ZNF385D: variants seen among roughly 807,000 people sequenced by gnomAD.
ZNF385D encodes zinc finger protein 659.
In ZNF385D, 15 loss-of-function variants were observed where a neutral mutation model predicts 35.8. The observed-to-expected ratio is 0.42, with a 90% confidence interval of 0.28 to 0.64. The LOEUF (loss-of-function observed/expected upper bound fraction) is 0.64, where lower values mean the gene tolerates loss of function less well. Ranked by LOEUF, ZNF385D falls within the 30% of genes least tolerant of loss-of-function variation. ZNF385D has a pLI of 0.23. For missense variants in ZNF385D, 474 were observed against 494.6 expected, an observed-to-expected ratio of 0.96 and a Z score of 0.39; for synonymous variants, 212 against 186.8, an observed-to-expected ratio of 1.13 and a Z score of -1.10.
intron 2 of ZNF385D, among the ~76,000 whole-genome samples, chr3:22,246,001 C>T (rs1247802498): frequency 2.6e-5 from 4 of 152,048 alleles, no homozygotes; most frequent in African/African-American, 7.2e-5. Context: ...GACAGTGCCA[C>T]GAAGCCAGCC....
At position 21,418,258 on chromosome 3, in the gene ZNF385D, C is replaced by T. The variant is rs528289991; in HGVS notation, c.*2956G>A. Reference sequence around the variant, plus strand: ...GTCAGACCACCCTCAGGGATTTTCACAGCACACTGCTGACCAATCTAAATT... The same window carrying T: ...GTCAGACCACCCTCAGGGATTTTCATAGCACACTGCTGACCAATCTAAATT... On this transcript the variant is annotated 3_prime_UTR_variant, in exon 8 of 8. Transcript: ENST00000281523. 4 of 152,172 alleles carry T rather than the reference C, an allele frequency of 2.6e-5. No individual in the cohort carries two copies. The highest frequency in any genetic ancestry group is 4.4e-5 in the Non-Finnish European group (3 of 68,020). The allele number at this position is 152,172 out of a possible 1,614,324, so 9.4% of individuals were successfully genotyped here. A position where few individuals can be genotyped will look rare whatever the true frequency, so the allele number is the denominator to read the frequency against.
intron 2 of ZNF385D, among the ~76,000 whole-genome samples, chr3:22,286,069 G>A (rs1389476405): frequency 2.0e-5 from 3 of 151,914 alleles, no homozygotes; most frequent in Non-Finnish European, 4.4e-5. Flanking sequence ...AAACTACAGT[G>A]GTGTACAGGT....
At chr3:21,737,329 C>T (rs1248933671) in intron 1 of ZNF385D, among the ~76,000 whole-genome samples, 4 of 151,774 alleles carry the variant, frequency 2.6e-5, no homozygotes, top group Non-Finnish European at 1.5e-5. Flanking sequence ...TTTTGAAGGC[C>T]AGCAAAATAA....
chr3:22,313,850 T>G (rs1703730941), intron 2 of ZNF385D, among the ~76,000 whole-genome samples: 2 of 152,208 alleles, frequency 1.3e-5, no homozygotes, highest in Admixed American at 1.3e-4. Flanking sequence ...CTTAGAATAG[T>G]TGGATTCAAA....
chr3:21,515,112 T>C (rs997056836), intron 3 of ZNF385D, among the ~76,000 whole-genome samples: 3 of 152,150 alleles, frequency 2.0e-5, no homozygotes, highest in Non-Finnish European at 4.4e-5. Flanking sequence ...GAAATGCAAC[T>C]GAAGTTTCAG....
Position 21,527,759 on chromosome 3 carries a change from T to TAAA in ZNF385D, c.277-16739_277-16737dup, listed in dbSNP as rs11426180. On this transcript the variant is annotated intron_variant, in intron 3 of 7. Transcript: ENST00000281523. ...AATGCTCACTGCAGAAAAACTATGTTAAAAAAAAAAACTATTTCTTCTAAG... is the reference window on the plus strand; with the variant it reads ...AATGCTCACTGCAGAAAAACTATGTTAAAAAAAAAAAAAACTATTTCTTCTAAG... Among the ~76,000 whole-genome samples the TAAA allele has an allele frequency of 3.9e-4, 58 of 149,498 alleles. 1 individual carries two copies. The highest frequency in any genetic ancestry group is 8.5e-4 in the South Asian group (4 of 4,696).
At chr3:21,879,021 AC>A (rs1698130823) in intron 3 of ZNF385D, among the ~76,000 whole-genome samples, 1 of 152,030 alleles carries the variant, frequency 6.6e-6, no homozygotes, top group Non-Finnish European at 1.5e-5. Context: ...CTCTTGTGAT[AC>A]ACTACCAGAA....
At chr3:21,911,945 T>C (rs1210915595) in intron 3 of ZNF385D, among the ~76,000 whole-genome samples, 1 of 151,896 alleles carries the variant, frequency 6.6e-6, no homozygotes, top group Non-Finnish European at 1.5e-5. Context: ...AAAAATAAGC[T>C]TAAGAGTGAT....
rs190004190 is a variant in ZNF385D, at chr3:22,142,169, T to G, written c.325+26648A>C. Among the ~76,000 whole-genome samples the G allele has an allele frequency of 2.0e-4, 30 of 152,298 alleles. No homozygotes were observed. In the East Asian group the frequency reaches 3.7e-3, roughly 19 times the overall value. On this transcript the variant is annotated intron_variant, in intron 3 of 5. Coordinates refer to the ZNF385D transcript ENST00000494108. ...GTTTAGTCCACAGTATTATTGGGTG[T>G]TGTTGTTTCACTGTACCATGTTATA... is the stretch of plus-strand genomic sequence containing the variant.
chr3:21,576,103 T>C (rs1204813368), intron 2 of ZNF385D, among the ~76,000 whole-genome samples: 2 of 152,138 alleles, frequency 1.3e-5, no homozygotes, highest in Non-Finnish European at 2.9e-5. Context: ...AATTTACATA[T>C]ATTGTCAACT....
intron 3 of ZNF385D, among the ~76,000 whole-genome samples, chr3:21,895,460 G>A (rs1699085988): frequency 6.6e-6 from 1 of 150,616 alleles, no homozygotes; most frequent in Admixed American, 6.6e-5. Context: ...CTGAGAAGCT[G>A]GGGACTACAG....
chr3:22,148,146 A>G (rs1704982938), intron 3 of ZNF385D, among the ~76,000 whole-genome samples: 2 of 152,180 alleles, frequency 1.3e-5, no homozygotes, highest in Non-Finnish European at 1.5e-5. Flanking sequence ...AGAACCATAT[A>G]ATTCAAGGAA....
chr3:21,426,438 C>T (rs1027441845), intron 5 of ZNF385D, among the ~76,000 whole-genome samples: 2 of 152,138 alleles, frequency 1.3e-5, no homozygotes, highest in African/African-American at 4.8e-5. Flanking sequence ...CGTTAACAAC[C>T]CATTTGTGTT....
chr3:21,566,636 G>C (rs2063157320), intron 2 of ZNF385D, among the ~76,000 whole-genome samples: 2 of 151,914 alleles, frequency 1.3e-5, no homozygotes, highest in Admixed American at 1.3e-4. Flanking sequence ...ACAAATTATA[G>C]GATCACCTCT....
intron 3 of ZNF385D, among the ~76,000 whole-genome samples, chr3:22,141,136 G>C (rs192685722): frequency 2.2e-4 from 34 of 152,190 alleles, no homozygotes; most frequent in African/African-American, 8.2e-4. Flanking sequence ...AAACATAAGA[G>C]AGGTTTATAC....
rs1703488215 is a variant in ZNF385D, at chr3:21,465,977, A to G, written c.440-28774T>C. 6.6e-6 allele frequency among the ~76,000 whole-genome samples: 1 copy of G among 152,214 alleles called. No homozygotes were observed. The highest frequency in any genetic ancestry group is 2.4e-5 in the African/African-American group (1 of 41,462). Reference sequence around the variant, plus strand: ...CTCCACTAGGGTTTGCAAAAATCTTAGAAAAGTGGGTCTCCATCTTCATTT... The same window carrying G: ...CTCCACTAGGGTTTGCAAAAATCTTGGAAAAGTGGGTCTCCATCTTCATTT... On this transcript the variant is annotated intron_variant, in intron 4 of 7. Transcript: ENST00000281523. This position sits in a 1 kb window ranked among gnomAD's most constrained non-coding sequence, Gnocchi z 4.2.
Position 22,127,251 on chromosome 3 carries a change from C to T in ZNF385D, c.325+41566G>A, listed in dbSNP as rs141878799. 5.4e-5 allele frequency among the ~76,000 whole-genome samples: 8 copies of T among 148,478 alleles called. No homozygotes were observed. In the East Asian group the frequency reaches 1.4e-3, roughly 26 times the overall value. The stretch of plus-strand genomic sequence containing the variant: ...GTTGTTTTGTGGTTTTCACTTTCTT[C>T]CTTCCTTCTGTCCTATATTCTTTTT... On this transcript the variant is annotated intron_variant, in intron 3 of 5. Coordinates refer to the ZNF385D transcript ENST00000494108.
At chr3:22,228,115 G>C (rs1698667854) in intron 2 of ZNF385D, among the ~76,000 whole-genome samples, 1 of 152,186 alleles carries the variant, frequency 6.6e-6, no homozygotes, top group African/African-American at 2.4e-5. Context: ...TAAGATAGCA[G>C]AGATGGTAGC....
chr3:21,679,504 C>A (rs576172381), intron 1 of ZNF385D, among the ~76,000 whole-genome samples: 6 of 151,940 alleles, frequency 3.9e-5, no homozygotes, highest in African/African-American at 1.4e-4. Flanking sequence ...ATTATAGGCA[C>A]CCAAGTACTT....
Sources: gnomAD v4.1 joint callset for allele counts (sites outside exome capture counted in the v4.1 genomes callset) on GRCh38, gnomAD v4.1.1 for gene constraint, Gnocchi (gnomAD v3.1) non-coding constraint, MANE v1.5 for transcripts, NCBI Gene and HGNC (gene_info 2026-07-23, HGNC 2026-07-21) for gene names.